The following SYT1 variants were observed in gnomAD, a reference collection of about 807,000 sequenced individuals.
SYT1 encodes synaptotagmin-1.
A neutral mutation model predicts 44.8 loss-of-function variants in SYT1; 8 were observed. That is an observed-to-expected ratio of 0.18 (90% CI 0.10 to 0.32). SYT1 has a LOEUF of 0.32. SYT1 is among the 10% of genes least tolerant of loss of function. The pLI, the probability that SYT1 is intolerant of heterozygous loss-of-function variation, is 1.00. For missense variants in SYT1, 286 were observed against 509.3 expected, an observed-to-expected ratio of 0.56 and a Z score of 4.22; for synonymous variants, 154 against 188.8, an observed-to-expected ratio of 0.82 and a Z score of 1.51.
rs1056851731 is a variant in SYT1, at chr12:79,088,920, A to T, written c.-18+41558A>T. ...TCCAGAATTTTGGCCTAAGCAGAAA[A>T]ATAGAAGCTTCCATTTCTTGAGATG... On this transcript the variant is annotated intron_variant, in intron 3 of 10. Coordinates refer to ENST00000261205, the MANE Select transcript of SYT1 (RefSeq NM_005639.3). Among the ~76,000 whole-genome samples, 16 of 152,166 alleles carry T rather than the reference A, an allele frequency of 1.1e-4. 1 individual carries two copies. In the Middle Eastern group the frequency reaches 0.01, roughly 97 times the overall value.
At chr12:79,045,307 G>A (rs532011555) in intron 2 of SYT1, among the ~76,000 whole-genome samples, 22 of 152,354 alleles carry the variant, frequency 1.4e-4, no homozygotes, top group African/African-American at 4.6e-4. Context: ...AGCCAGGTGC[G>A]GGATATAATC....
At chr12:79,397,351 T>C (rs1884907439) in intron 9 of SYT1, among the ~76,000 whole-genome samples, 1 of 152,130 alleles carries the variant, frequency 6.6e-6, no homozygotes, top group Non-Finnish European at 1.5e-5. Flanking sequence ...CACCTCAGCC[T>C]TCCGAATAGC....
At chr12:78,973,940 T>A (rs4842308) in intron 1 of SYT1, among the ~76,000 whole-genome samples, 2,081 of 13,642 alleles carry the variant, frequency 0.15, 195 homozygotes, top group Middle Eastern at 0.33. Flanking sequence ...AAAAAAAAAA[T>A]ATATATATAT....
intron 9 of SYT1, among the ~76,000 whole-genome samples, chr12:79,409,889 G>T (rs1526961): frequency 0.83 from 126,353 of 151,942 alleles, 57,016 homozygotes; most frequent in East Asian, 1. Context: ...AAGAGAAAAA[G>T]GAAAGAAAGA....
At chr12:79,298,705 T>C (rs1354012869) in intron 7 of SYT1, among the ~76,000 whole-genome samples, 1 of 152,156 alleles carries the variant, frequency 6.6e-6, no homozygotes, top group Non-Finnish European at 1.5e-5. Flanking sequence ...ATTCATCAGT[T>C]CTTGGCCTTT....
intron 9 of SYT1, among the ~76,000 whole-genome samples, chr12:79,413,975 A>G (rs1414534106): frequency 6.6e-6 from 1 of 152,152 alleles, no homozygotes; most frequent in East Asian, 1.9e-4. Context: ...TTTTTTGTTT[A>G]CAATTTAGGC....
intron 4 of SYT1, among the ~76,000 whole-genome samples, chr12:79,254,225 C>T (rs947711623): frequency 2.0e-5 from 3 of 152,170 alleles, no homozygotes; most frequent in African/African-American, 4.8e-5. Context: ...GGGATGAATG[C>T]AGCTGGTTGA....
In SYT1 at chr12:79,317,171, C is replaced by G. The variant is rs569591053; in HGVS notation, c.810+17620C>G. 1.5e-4 allele frequency among the ~76,000 whole-genome samples: 23 copies of G among 152,314 alleles called. 1 individual carries two copies. In the South Asian group the frequency reaches 4.6e-3, roughly 30 times the overall value. On this transcript the variant is annotated intron_variant, in intron 8 of 10. Coordinates refer to ENST00000261205, the MANE Select transcript of SYT1 (RefSeq NM_005639.3). ...TAAAAAGTTTAGGAGTATTTTCACT[C>G]TCACTGCAGGGCTAGTGAACATCTC...
chr12:78,928,659 G>A (rs1166479795), intron 1 of SYT1, among the ~76,000 whole-genome samples: 2 of 151,980 alleles, frequency 1.3e-5, no homozygotes, highest in Non-Finnish European at 2.9e-5. Context: ...TCACAGAGAC[G>A]GATACTAAGT....
chr12:79,247,162 T>C (rs1159750895), intron 4 of SYT1, among the ~76,000 whole-genome samples: 1 of 152,208 alleles, frequency 6.6e-6, no homozygotes, highest in African/African-American at 2.4e-5. Context: ...CCTGTGACTT[T>C]ACAGTGTATG....
chr12:79,154,496 TTAGG>T (rs1288453015), intron 3 of SYT1, among the ~76,000 whole-genome samples: 1 of 151,914 alleles, frequency 6.6e-6, no homozygotes. Flanking sequence ...TGGAGCTAGA[TTAGG>T]AAGCAGTCTG....
intron 9 of SYT1, among the ~76,000 whole-genome samples, chr12:79,373,283 A>G (rs1883865445): frequency 6.6e-6 from 1 of 152,202 alleles, no homozygotes; most frequent in Non-Finnish European, 1.5e-5. Flanking sequence ...CCTATCAGTA[A>G]AACTTTGGGA....
chr12:79,286,036 A>T, intron 5 of SYT1, 65 bp downstream of exon 5: 1 of 1,504,120 alleles, frequency 6.6e-7, no homozygotes, highest in East Asian at 2.5e-5. Flanking sequence ...GTATTATTTT[A>T]TGCCATATAA....
intron 3 of SYT1, among the ~76,000 whole-genome samples, chr12:79,096,344 A>G (rs1878128567): frequency 6.6e-6 from 1 of 152,004 alleles, no homozygotes; most frequent in African/African-American, 2.4e-5. Flanking sequence ...AGCCCCTCTG[A>G]ATAGCCGTCT....
chr12:79,198,952 G>T (rs1018704734), intron 3 of SYT1, among the ~76,000 whole-genome samples: 1 of 152,128 alleles, frequency 6.6e-6, no homozygotes, highest in Non-Finnish European at 1.5e-5. Flanking sequence ...TGAAGAAGGG[G>T]AAGCCCGCAT....
At chr12:78,989,279 G>T (rs992012152) in intron 2 of SYT1, among the ~76,000 whole-genome samples, 1 of 151,974 alleles carries the variant, frequency 6.6e-6, no homozygotes, top group Non-Finnish European at 1.5e-5. Context: ...TATCAAATTA[G>T]GATTTGTATG....
chr12:79,413,816 A>C (rs1479634017), intron 9 of SYT1, among the ~76,000 whole-genome samples: 1 of 152,216 alleles, frequency 6.6e-6, no homozygotes, highest in Admixed American at 6.5e-5. Context: ...AGGTAATTGC[A>C]TGCCTAAATA....
In SYT1 at chr12:78,941,197, C is replaced by T. The variant is rs547073262; in HGVS notation, c.-216-36602C>T. Among the ~76,000 whole-genome samples the T allele has an allele frequency of 5.9e-5, 9 of 151,448 alleles. No individual in the cohort carries two copies. In the South Asian group the frequency reaches 1.7e-3, roughly 28 times the overall value. Reference sequence around the variant, plus strand: ...ACGCCATTCTTCTGCCTCAGCCTCCCCAGTAGCTGGGATTACAGGCGCCTG... The same window carrying T: ...ACGCCATTCTTCTGCCTCAGCCTCCTCAGTAGCTGGGATTACAGGCGCCTG... On this transcript the variant is annotated intron_variant, in intron 1 of 10. Transcript: ENST00000261205.
chr12:78,891,132 T>G (rs1167491623), intron 1 of SYT1, among the ~76,000 whole-genome samples: 1 of 151,908 alleles, frequency 6.6e-6, no homozygotes, highest in Non-Finnish European at 1.5e-5. Flanking sequence ...ATCAGATCAT[T>G]AGGCACAAAA....
Sources: gnomAD v4.1 joint callset for allele counts (sites outside exome capture counted in the v4.1 genomes callset) on GRCh38, gnomAD v4.1.1 for gene constraint, MANE v1.5 for transcripts, NCBI Gene and HGNC (gene_info 2026-07-23, HGNC 2026-07-21) for gene names.